Variants in CCDC192 observed in about 807,000 individuals in gnomAD.
The protein encoded by CCDC192 is coiled-coil domain containing 192.
chr5:127,930,106 T>C (rs1004454640), intron 6 of CCDC192, among the ~76,000 whole-genome samples: 1 of 152,138 alleles, frequency 6.6e-6, no homozygotes, highest in Non-Finnish European at 1.5e-5. Context: ...TGGAGGCTGA[T>C]GCAGGAGAAT....
chr5:127,739,250 G>T, intron 2 of CCDC192, among the ~76,000 whole-genome samples: 1 of 152,222 alleles, frequency 6.6e-6, no homozygotes, highest in Admixed American at 6.5e-5. Context: ...CCGGGGGTCA[G>T]GGGTCAGGGA....
At chr5:127,769,999 CA>C (rs1335678852) in intron 3 of CCDC192, among the ~76,000 whole-genome samples, 1 of 152,082 alleles carries the variant, frequency 6.6e-6, no homozygotes, top group African/African-American at 2.4e-5. Context: ...GGCAAAGAGC[CA>C]ATGGTAGAGT....
intron 5 of CCDC192, among the ~76,000 whole-genome samples, chr5:127,863,100 A>G (rs1424630919): frequency 1.3e-5 from 2 of 152,190 alleles, no homozygotes; most frequent in African/African-American, 2.4e-5. Context: ...AACAAAAACA[A>G]AAAGTAAGTA....
chr5:127,884,986 G>C (rs992882990), intron 6 of CCDC192, among the ~76,000 whole-genome samples: 2 of 152,122 alleles, frequency 1.3e-5, no homozygotes, highest in Admixed American at 6.6e-5. Flanking sequence ...ACCAGCTGTG[G>C]GAATTCAATG....
At chr5:127,790,229 CCCTT>C (rs1756788213) in intron 3 of CCDC192, among the ~76,000 whole-genome samples, 1 of 152,024 alleles carries the variant, frequency 6.6e-6, no homozygotes, top group Admixed American at 6.6e-5. Flanking sequence ...GACTCATCAC[CCCTT>C]CCTTCTTTCA....
At chr5:127,846,761 C>T (rs1324257401) in intron 5 of CCDC192, among the ~76,000 whole-genome samples, 3 of 148,486 alleles carry the variant, frequency 2.0e-5, no homozygotes, top group Admixed American at 6.9e-5. Flanking sequence ...TGAGCCACCG[C>T]GCTTGGCCAT....
chr5:127,933,564 GT>G (rs535166059), intron 6 of CCDC192, among the ~76,000 whole-genome samples: 102 of 152,174 alleles, frequency 6.7e-4, no homozygotes, highest in Non-Finnish European at 1.3e-3. Flanking sequence ...TTAGAGACAA[GT>G]GTTTTTCATT....
chr5:127,921,247 A>T (rs1306244089), intron 6 of CCDC192, among the ~76,000 whole-genome samples: 1 of 151,672 alleles, frequency 6.6e-6, no homozygotes, highest in African/African-American at 2.4e-5. Context: ...GGAAAGAAGG[A>T]AGGGTAGGAA....
chr5:127,702,638 G>T (rs1489976700), upstream of CCDC192, among the ~76,000 whole-genome samples: 1 of 152,166 alleles, frequency 6.6e-6, no homozygotes, highest in Non-Finnish European at 1.5e-5. Flanking sequence ...TTTATTTTAG[G>T]ATGAGCCGTG....
At chr5:127,764,989 G>A (rs996536980) in intron 3 of CCDC192, among the ~76,000 whole-genome samples, 2 of 152,170 alleles carry the variant, frequency 1.3e-5, no homozygotes, top group Non-Finnish European at 2.9e-5. Flanking sequence ...AGTGTTTAAT[G>A]TTGAAGTCTG....
At chr5:127,889,355 G>T (rs563291824) in intron 6 of CCDC192, among the ~76,000 whole-genome samples, 5 of 151,350 alleles carry the variant, frequency 3.3e-5, no homozygotes, top group South Asian at 2.1e-4. Flanking sequence ...TTAAATGACT[G>T]ATTTCTCATG....
At chr5:127,855,466 C>T (rs938548741) in intron 5 of CCDC192, among the ~76,000 whole-genome samples, 2 of 152,174 alleles carry the variant, frequency 1.3e-5, no homozygotes, top group Non-Finnish European at 2.9e-5. Flanking sequence ...TTGAACCCAT[C>T]AAAGTCATCC....
chr5:127,741,040 ATTT>A (rs550387148), intron 2 of CCDC192, among the ~76,000 whole-genome samples: 4 of 151,720 alleles, frequency 2.6e-5, no homozygotes, highest in Non-Finnish European at 5.9e-5. Flanking sequence ...AAACAAATAG[ATTT>A]TTTTTTATTT....
chr5:127,763,575 C>T (rs1471260928), intron 3 of CCDC192, among the ~76,000 whole-genome samples: 1 of 152,106 alleles, frequency 6.6e-6, no homozygotes, highest in Non-Finnish European at 1.5e-5. Context: ...TTAAATTAGC[C>T]TGATTTCACT....
chr5:127,894,901 ACAAT>A (rs1422241174), intron 6 of CCDC192, among the ~76,000 whole-genome samples: 1 of 152,234 alleles, frequency 6.6e-6, no homozygotes, highest in African/African-American at 2.4e-5. Context: ...CAACCATTTA[ACAAT>A]CAAGAGATTT....
intron 6 of CCDC192, chr5:127,940,308 A>C (rs150097918): frequency 1.4e-4 from 22 of 152,318 alleles, no homozygotes; most frequent in African/African-American, 5.3e-4. Flanking sequence ...TCTGTATGGG[A>C]AATACCATGC....
At chr5:127,893,288 A>C (rs910519736) in intron 6 of CCDC192, among the ~76,000 whole-genome samples, 1 of 152,218 alleles carries the variant, frequency 6.6e-6, no homozygotes, top group African/African-American at 2.4e-5. Flanking sequence ...GTCCCTTACT[A>C]TCTCTGAGCC....
At chr5:127,899,013 A>G (rs1409822362) in intron 6 of CCDC192, among the ~76,000 whole-genome samples, 1 of 152,136 alleles carries the variant, frequency 6.6e-6, no homozygotes, top group Non-Finnish European at 1.5e-5. Context: ...TCTTTGAGTC[A>G]GCTAGCTGTT....
intron 5 of CCDC192, among the ~76,000 whole-genome samples, chr5:127,851,432 C>A (rs1018925349): frequency 2.8e-4 from 42 of 151,824 alleles, no homozygotes; most frequent in Admixed American, 1.3e-4. Context: ...CTATCCATGT[C>A]TTTCTTGTTT....
Sources: gnomAD v4.1 joint callset for allele counts (sites outside exome capture counted in the v4.1 genomes callset) on GRCh38, gnomAD v4.1.1 for gene constraint, MANE v1.5 for transcripts, NCBI Gene and HGNC (gene_info 2026-07-23, HGNC 2026-07-21) for gene names.